Variants in ZBTB20 observed in about 807,000 individuals in gnomAD.
ZBTB20 encodes zinc finger and BTB domain-containing protein 20.
A neutral mutation model predicts 56.9 loss-of-function variants in ZBTB20; 9 were observed. The ratio of observed to expected loss-of-function variants is 0.16; its 90% CI spans 0.10 to 0.28. The LOEUF is 0.28. Among genes scored for constraint, ZBTB20 ranks in the 10% least tolerant of loss-of-function variants. The pLI is 1.00. For synonymous variants in ZBTB20, 417 were observed against 420.7 expected, an observed-to-expected ratio of 0.99 and a Z score of 0.11; for missense variants, 655 against 1,003.0, an observed-to-expected ratio of 0.65 and a Z score of 4.69.
chr3:114,784,035 C>T (rs1448265136), intron 5 of ZBTB20, among the ~76,000 whole-genome samples: 1 of 152,134 alleles, frequency 6.6e-6, no homozygotes, highest in Non-Finnish European at 1.5e-5. Flanking sequence ...TTCTTAAATG[C>T]AAGGTATAAC....
chr3:114,623,777 C>T (rs1451056845), intron 6 of ZBTB20, among the ~76,000 whole-genome samples: 1 of 152,026 alleles, frequency 6.6e-6, no homozygotes, highest in Non-Finnish European at 1.5e-5. Flanking sequence ...CCCCCATCTA[C>T]CTCCCTGAAT....
intron 5 of ZBTB20, among the ~76,000 whole-genome samples, chr3:114,775,149 C>T (rs1378261965): frequency 6.7e-6 from 1 of 149,172 alleles, no homozygotes; most frequent in Non-Finnish European, 1.5e-5. Context: ...TCATAAGTAA[C>T]TTTTTTTTTT....
At chr3:114,915,189 C>T (rs146455327) in intron 3 of ZBTB20, among the ~76,000 whole-genome samples, 7 of 151,822 alleles carry the variant, frequency 4.6e-5, no homozygotes, top group African/African-American at 9.6e-5. Flanking sequence ...AGCAGTAAAG[C>T]GATCAGGTCC....
chr3:114,347,302 A>G (rs12496777), intron 11 of ZBTB20, among the ~76,000 whole-genome samples: 2,838 of 152,022 alleles, frequency 0.019, 45 homozygotes, highest in South Asian at 0.066. Flanking sequence ...CTGCAGGTCT[A>G]TTGGTTTGCA....
At chr3:114,975,418 A>G (rs2078057505) in intron 2 of ZBTB20, among the ~76,000 whole-genome samples, 1 of 152,184 alleles carries the variant, frequency 6.6e-6, no homozygotes, top group South Asian at 2.1e-4. Context: ...TAGTACATCT[A>G]CAGTAAAATG....
At position 114,382,243 on chromosome 3, in the gene ZBTB20, T is replaced by G. The variant is rs185910183; in HGVS notation, c.-153-1303A>C. On this transcript the variant is annotated intron_variant, in intron 8 of 11. Coordinates refer to ENST00000675478, the MANE Select transcript of ZBTB20 (RefSeq NM_001348800.3). ...CCATTCCAATTTCACTGCAATCACCTACTGCTTTTTATCTAGCTGATTGTT... is the reference window on the plus strand; with the variant it reads ...CCATTCCAATTTCACTGCAATCACCGACTGCTTTTTATCTAGCTGATTGTT... Among the ~76,000 whole-genome samples the G allele has an allele frequency of 2.2e-3, 342 of 152,336 alleles. 5 individuals are homozygous for G. Among genetic ancestry groups the G allele is most frequent in the East Asian group, 7.7e-4 (4 of 5,194 alleles).
chr3:114,694,221 G>T (rs1176861705), intron 5 of ZBTB20, among the ~76,000 whole-genome samples: 1 of 152,074 alleles, frequency 6.6e-6, no homozygotes, highest in South Asian at 2.1e-4. Flanking sequence ...TCTTTTATGC[G>T]AAGTCATAGA....
intron 3 of ZBTB20, among the ~76,000 whole-genome samples, chr3:114,960,598 G>A (rs1198447012): frequency 6.6e-6 from 1 of 152,180 alleles, no homozygotes; most frequent in East Asian, 1.9e-4. Context: ...TATTTCACTA[G>A]TGATAAAGAA....
chr3:114,526,340 C>T (rs1368629064), intron 6 of ZBTB20, among the ~76,000 whole-genome samples: 2 of 152,132 alleles, frequency 1.3e-5, no homozygotes, highest in Non-Finnish European at 2.9e-5. Flanking sequence ...TGCACCTGCA[C>T]TAGTGAGTTC....
chr3:114,631,379 A>ATTTTTTTTTTTT (rs1479430066), intron 6 of ZBTB20, among the ~76,000 whole-genome samples: 1 of 22,382 alleles, frequency 4.5e-5, no homozygotes, highest in Non-Finnish European at 1.1e-4. Flanking sequence ...TAAATAGGTT[A>ATTTTTTTTTTTT]TTCTTTTTTT....
At chr3:114,980,548 A>G (rs1576478929) in intron 2 of ZBTB20, among the ~76,000 whole-genome samples, 2 of 150,690 alleles carry the variant, frequency 1.3e-5, no homozygotes, top group South Asian at 2.1e-4. Context: ...TTTTTCTTCC[A>G]GCTTTCCCTA....
At chr3:114,950,106 G>A (rs1046085154) in intron 3 of ZBTB20, among the ~76,000 whole-genome samples, 4 of 152,062 alleles carry the variant, frequency 2.6e-5, no homozygotes, top group South Asian at 2.1e-4. Flanking sequence ...AAGTGTTTTC[G>A]ACGAGTAGAA....
rs561348015 is a variant in ZBTB20 at position 114,617,874 on chromosome 3, A to G, written c.-295+75654T>C. On this transcript the variant is annotated intron_variant, in intron 6 of 11. Transcript: ENST00000675478. ...GTCTTTTCTCAAATGCTGTCCCCCA[A>G]TGAAGACTTCCCTCTCTACCTCTCC... 1.1e-3 allele frequency among the ~76,000 whole-genome samples: 171 copies of G among 152,200 alleles called. 1 individual carries two copies. The highest frequency in any genetic ancestry group is 3.9e-3 in the African/African-American group (162 of 41,520).
At chr3:114,883,707 T>G (rs1001503996) in intron 4 of ZBTB20, among the ~76,000 whole-genome samples, 16 of 152,220 alleles carry the variant, frequency 1.1e-4, no homozygotes, top group South Asian at 4.2e-4. Context: ...CATTTGGTTA[T>G]ATATTTTTAA....
intron 1 of ZBTB20, among the ~76,000 whole-genome samples, chr3:115,121,327 C>T (rs367553036): frequency 1.8e-4 from 28 of 152,024 alleles, no homozygotes; most frequent in East Asian, 1.5e-3. Context: ...TTCAATAAGT[C>T]ACATTTTGCC....
intron 7 of ZBTB20, among the ~76,000 whole-genome samples, chr3:114,414,347 AGAT>A (rs1267691156): frequency 6.6e-6 from 1 of 152,158 alleles, no homozygotes; most frequent in East Asian, 1.9e-4. Context: ...TCAAAATGGA[AGAT>A]GAGAAACACA....
At chr3:114,714,720 TTAG>T (rs1255371344) in intron 5 of ZBTB20, among the ~76,000 whole-genome samples, 8 of 152,204 alleles carry the variant, frequency 5.3e-5, no homozygotes, top group Non-Finnish European at 8.8e-5. Flanking sequence ...AACAACTGCA[TTAG>T]TCTCACAATA....
intron 6 of ZBTB20, among the ~76,000 whole-genome samples, chr3:114,526,518 TAATA>T (rs1313931966): frequency 6.6e-6 from 1 of 152,050 alleles, no homozygotes; most frequent in East Asian, 1.9e-4. Context: ...CTTTGATAAA[TAATA>T]AATAATAATA....
At chr3:114,725,237 C>CAA (rs2065187198) in intron 5 of ZBTB20, among the ~76,000 whole-genome samples, 1 of 152,168 alleles carries the variant, frequency 6.6e-6, no homozygotes, top group African/African-American at 2.4e-5. Flanking sequence ...TTTATGCACA[C>CAA]AGAGTTAAAA....
Sources: gnomAD v4.1 joint callset for allele counts (sites outside exome capture counted in the v4.1 genomes callset) on GRCh38, gnomAD v4.1.1 for gene constraint, MANE v1.5 for transcripts, NCBI Gene and HGNC (gene_info 2026-07-23, HGNC 2026-07-21) for gene names.